The following ABCC6 variants were observed in gnomAD, a reference collection of about 807,000 sequenced individuals.
ABCC6 encodes the protein ATP binding cassette subfamily C member 6.
In ABCC6, 126 loss-of-function variants were observed where a neutral mutation model predicts 169.5. The observed-to-expected ratio is 0.74, with a 90% CI of 0.64 to 0.86. The LOEUF is 0.86. Among genes scored for constraint, ABCC6 ranks in the 40% least tolerant of loss-of-function variants. ABCC6 has a pLI of 0.00. For synonymous variants in ABCC6, 752 were observed against 814.7 expected (o/e 0.92, Z 1.31); for missense variants, 1,733 against 1,927.2 (o/e 0.90, Z 1.89).
intron 10 of ABCC6, among the ~76,000 whole-genome samples, chr16:16,194,759 TGGCTC>T (rs2152274650): frequency 6.6e-6 from 1 of 152,194 alleles, no homozygotes; most frequent in South Asian, 2.1e-4. Flanking sequence ...CTCATGATCT[TGGCTC>T]ACTGCAACCT....
intron 22 of ABCC6, among the ~76,000 whole-genome samples, chr16:16,167,146 C>T (rs11644902): frequency 0.71 from 107,423 of 152,106 alleles, 41,318 homozygotes; most frequent in South Asian, 0.9. Flanking sequence ...GCAAATTTCA[C>T]CCATGGCCAA....
rs1275738343 is a variant in ABCC6 at position 16,173,025 on chromosome 16, G to A, written c.2787+259C>T. On this transcript the variant is annotated intron_variant, in intron 21 of 30. Coordinates refer to ENST00000205557, the MANE Select transcript of ABCC6 (RefSeq NM_001171.6). ...TCACTGCGGTCCAGCCTGGGTGAGT[G>A]AGCGAGCCACTTTCTCAAAATCAAA... is the stretch of plus-strand genomic sequence containing the variant. The A allele has an allele frequency of 2.3e-5, 12 of 530,528 alleles. No homozygotes were observed. The East Asian group carries it at 3.8e-4, about 17-fold the overall frequency. The allele number at this position is 530,528 out of a possible 1,614,324, so 32.9% of individuals were successfully genotyped here. A position where few individuals can be genotyped will look rare whatever the true frequency, so the allele number is the denominator to read the frequency against.
At chr16:16,179,228 C>T (rs1469404813) in intron 17 of ABCC6, among the ~76,000 whole-genome samples, 1 of 152,226 alleles carries the variant, frequency 6.6e-6, no homozygotes, top group Non-Finnish European at 1.5e-5. Flanking sequence ...CTGTCTCCTC[C>T]TGCTCACTCT....
chr16:16,178,161 A>C (rs2047346441), intron 18 of ABCC6, among the ~76,000 whole-genome samples: 1 of 151,920 alleles, frequency 6.6e-6, no homozygotes, highest in Non-Finnish European at 1.5e-5. Context: ...CCCTTTCTCT[A>C]CTAAAAATAC....
At chr16:16,195,935 C>G (rs886363311) in intron 10 of ABCC6, among the ~76,000 whole-genome samples, 6 of 152,116 alleles carry the variant, frequency 3.9e-5, no homozygotes, top group African/African-American at 1.4e-4. Context: ...CAAGGCCAGG[C>G]ACAGTGGCTC....
chr16:16,197,895 C>A, intron 10 of ABCC6, 126 bp downstream of exon 10: 2 of 1,163,334 alleles, frequency 1.7e-6, no homozygotes, highest in Non-Finnish European at 1.2e-6. Context: ...CCTGGGGTCA[C>A]AGCGGACCTC....
rs1448224926 is a variant in ABCC6 at position 16,184,962 on chromosome 16, T to A, written c.1940A>T (p.His647Leu). The A allele has an allele frequency of 6.2e-7, 1 of 1,612,880 alleles. No homozygotes were observed. The highest frequency in any genetic ancestry group is 1.7e-5 in the Admixed American group (1 of 60,024). Reference protein sequence around the residue: ...AWSQESPPCLHRINLTVPQGC... With the variant: ...AWSQESPPCLLRINLTVPQGC... ...TACTACGGGTGTCGTTCTGTACCTG[T>A]GGAGGCAGGGAGGGCTTTCCTGGGA... The change falls in exon 15 of 31, where the codon CAC becomes CTC. Residue 647 changes from histidine to leucine, a missense_variant. Coordinates refer to ENST00000205557, the MANE Select transcript of ABCC6 (RefSeq NM_001171.6).
Position 16,190,336 on chromosome 16 carries a change from G to A in ABCC6, c.1463C>T (p.Ala488Val), listed in dbSNP as rs1170917428. The change falls in exon 12 of 31, where the codon GCA becomes GTA. Residue 488 changes from alanine to valine, a missense_variant. By Grantham distance (64) the Ala-to-Val change is moderately conservative (BLOSUM62 0). Coordinates refer to ENST00000205557, the MANE Select transcript of ABCC6 (RefSeq NM_001171.6). Reference sequence around the variant, plus strand: ...CCTGAGGATAGAGCTGGTGAGCCGTGCCCGTGAGTCCTTCTGCCTCATTTG... The same window carrying A: ...CCTGAGGATAGAGCTGGTGAGCCGTACCCGTGAGTCCTTCTGCCTCATTTG... The part of the protein sequence containing the change: ...EEQMRQKDSR[A>V]RLTSSILRNS... 1 of 1,614,162 alleles carries A rather than the reference G, an allele frequency of 6.2e-7. No individual in the cohort carries two copies. The highest frequency in any genetic ancestry group is 1.1e-5 in the South Asian group (1 of 91,080).
chr16:16,185,401 C>T (rs1216718181), intron 14 of ABCC6, among the ~76,000 whole-genome samples: 1 of 152,232 alleles, frequency 6.6e-6, no homozygotes, highest in African/African-American at 2.4e-5. Context: ...CTAAAATATG[C>T]ACAATCTGGT....
chr16:16,218,080 C>T (rs2048946628), intron 4 of ABCC6, among the ~76,000 whole-genome samples: 1 of 152,102 alleles, frequency 6.6e-6, no homozygotes, highest in Admixed American at 6.5e-5. Flanking sequence ...TAGAGCAAGA[C>T]TCTGTCTCAG....
intron 29 of ABCC6, among the ~76,000 whole-genome samples, chr16:16,151,155 C>T (rs960307149): frequency 6.6e-6 from 1 of 152,006 alleles, no homozygotes; most frequent in African/African-American, 2.4e-5. Flanking sequence ...ACTTCTGCCT[C>T]CCGGTTCAAG....
chr16:16,221,495 C>A (rs2049071939), intron 2 of ABCC6, 154 bp downstream of exon 2: 28 of 1,472,732 alleles, frequency 1.9e-5, no homozygotes, highest in Non-Finnish European at 2.4e-5. Flanking sequence ...CTGAGTTGAC[C>A]TCTGTAGCCT....
chr16:16,172,956 T>G, intron 21 of ABCC6: 1 of 379,944 alleles, frequency 2.6e-6, no homozygotes. Context: ...GTAGGAGGAT[T>G]GCTTTAGCCC....
intron 17 of ABCC6, among the ~76,000 whole-genome samples, chr16:16,180,349 C>G (rs212070): frequency 0.55 from 83,028 of 151,910 alleles, 23,019 homozygotes; most frequent in Non-Finnish European, 0.59. Context: ...TTTTGTATTG[C>G]GAACACAACC....
At chr16:16,184,270 T>G (rs60988197) in intron 15 of ABCC6, 9 of 209,758 alleles carry the variant, frequency 4.3e-5, no homozygotes, top group African/African-American at 1.9e-4. Context: ...TGATCTCGGC[T>G]TGAATGCAAA....
chr16:16,164,092 G>C lies in ABCC6; in HGVS notation c.3307-900C>G, dbSNP rs28640011. On this transcript the variant is annotated intron_variant, in intron 23 of 30. Transcript: ENST00000205557. ...TCTGTCACCCAGGCTGGAGTGCAGT[G>C]GTGCAATCTCAGCTCGCTGCAACCT... 4.5e-3 allele frequency among the ~76,000 whole-genome samples: 678 copies of C among 152,198 alleles called. 7 individuals carry two copies. The highest frequency in any genetic ancestry group is 0.015 in the African/African-American group (622 of 41,528).
At chr16:16,190,084 G>A (rs2047795755) in intron 12 of ABCC6, 80 bp downstream of exon 12, 3 of 1,484,834 alleles carry the variant, frequency 2.0e-6, no homozygotes, top group Admixed American at 1.7e-5. Context: ...GGATCTGGGG[G>A]GCTCCACCTA....
At chr16:16,186,849 A>C (rs2047667209) in intron 14 of ABCC6, among the ~76,000 whole-genome samples, 1 of 151,994 alleles carries the variant, frequency 6.6e-6, no homozygotes, top group African/African-American at 2.4e-5. Context: ...TGGTGCCAAA[A>C]AGCTTGGGGA....
At position 16,197,895 on chromosome 16, in the gene ABCC6, C is replaced by T; in HGVS notation, c.1338+126G>A. 6 of 1,163,334 alleles carry T rather than the reference C, an allele frequency of 5.2e-6. No homozygotes were observed. The South Asian group carries it at 8.4e-5, about 16-fold the overall frequency. The allele number at this position is 1,163,334 out of a possible 1,614,324, so 72.1% of individuals were successfully genotyped here. On this transcript the variant is annotated intron_variant, in intron 10 of 30. Transcript: ENST00000205557. Reference sequence around the variant, plus strand: ...CAGACTTGCCCTAACCCTGGGGTCACAGCGGACCTCTTCCAGCCTCTTGAA... The same window carrying T: ...CAGACTTGCCCTAACCCTGGGGTCATAGCGGACCTCTTCCAGCCTCTTGAA...
Sources: allele counts gnomAD v4.1 joint callset (sites outside exome capture counted in the v4.1 genomes callset), GRCh38; gene constraint gnomAD v4.1.1; transcripts MANE v1.5; gene names NCBI Gene and HGNC (gene_info 2026-07-23, HGNC 2026-07-21).